VWA3A: variants seen among roughly 807,000 people sequenced by gnomAD.
VWA3A encodes the protein von Willebrand factor A domain containing 3A, also known as von Willebrand factor A domain-containing protein 3A.
VWA3A carries 134 observed loss-of-function variants against 160.4 expected under a neutral mutation model. The ratio of observed to expected loss-of-function variants is 0.84; its 90% CI spans 0.73 to 0.96. VWA3A has a LOEUF of 0.96. Among genes scored for constraint, VWA3A ranks in the 40% least tolerant of loss-of-function variants. VWA3A has a pLI of 0.00. For synonymous variants in VWA3A, 476 were observed against 543.4 expected, an observed-to-expected ratio of 0.88 and a Z score of 1.72; for missense variants, 1,310 against 1,447.9, an observed-to-expected ratio of 0.90 and a Z score of 1.55.
chr16:22,155,969 T>C (rs905686599), intron 33 of VWA3A, 53 bp downstream of exon 33: 141 of 1,563,210 alleles, frequency 9.0e-5, no homozygotes, highest in Non-Finnish European at 1.2e-4. Context: ...AAGCACCAAG[T>C]GGCATGCTCT....
intron 31 of VWA3A, among the ~76,000 whole-genome samples, chr16:22,153,066 C>G (rs919545309): frequency 2.6e-5 from 4 of 152,140 alleles, no homozygotes; most frequent in Admixed American, 2.6e-4. Context: ...ACACCTAAAG[C>G]TGGGCACGGT....
chr16:22,146,089 T>A, intron 26 of VWA3A, 147 bp from the exon 27 acceptor site: 1 of 614,800 alleles, frequency 1.6e-6, no homozygotes. Context: ...CCCAAAGCGC[T>A]GGGATTACAG....
intron 9 of VWA3A, among the ~76,000 whole-genome samples, chr16:22,115,920 A>G (rs1428796953): frequency 6.3e-5 from 2 of 31,578 alleles, no homozygotes; most frequent in African/African-American, 9.3e-4. Context: ...GAAGGAAGGA[A>G]GGAAAGGAAA....
Position 22,132,956 on chromosome 16 carries a change from C to T in VWA3A, c.1929C>T (p.Asn643=), listed in dbSNP as rs375871767. 3.0e-5 allele frequency: 48 copies of T among 1,613,832 alleles called. No homozygotes were observed. Among genetic ancestry groups the T allele is most frequent in the Admixed American group, 5.0e-5 (3 of 59,998 alleles). ...GTGGCGGCTGCGACCTCCAGCTGAACGTGTGTCTCTTCTACGTGGGCGAGC... is the reference window on the plus strand; with the variant it reads ...GTGGCGGCTGCGACCTCCAGCTGAATGTGTGTCTCTTCTACGTGGGCGAGC... ...EACGGCDLQL[N]VCLFYVGEPK... Residue 643 remains asparagine, a synonymous_variant, in exon 20 of 34, where the codon AAC becomes AAT. Transcript: ENST00000389398.
At chr16:22,113,465 T>C (rs1416559389) in intron 8 of VWA3A, among the ~76,000 whole-genome samples, 4 of 145,830 alleles carry the variant, frequency 2.7e-5, no homozygotes, top group Non-Finnish European at 6.0e-5. Context: ...CCTCAAGTGA[T>C]CCGCCCTCCT....
At chr16:22,105,785 A>G (rs1359277039) in intron 6 of VWA3A, among the ~76,000 whole-genome samples, 3 of 152,220 alleles carry the variant, frequency 2.0e-5, no homozygotes, top group African/African-American at 7.2e-5. Context: ...TAAAGCCCTC[A>G]TGGCAGCTTG....
chr16:22,101,076 A>G (rs1598045370), intron 5 of VWA3A, among the ~76,000 whole-genome samples: 1 of 151,886 alleles, frequency 6.6e-6, no homozygotes, highest in African/African-American at 2.4e-5. Flanking sequence ...GGACCAGATC[A>G]GTGTCTCTCA....
At chr16:22,131,131 T>G (rs575751598) in intron 17 of VWA3A, 74 bp from the exon 18 acceptor site, 1 of 1,430,250 alleles carries the variant, frequency 7.0e-7, no homozygotes, top group South Asian at 1.2e-5. Context: ...ACTAAAAGCC[T>G]GCAAAGCCCA....
chr16:22,155,784 C>T, intron 32 of VWA3A, 67 bp from the exon 33 acceptor site: 2 of 1,611,016 alleles, frequency 1.2e-6, no homozygotes, highest in South Asian at 1.1e-5. Context: ...TCCTGCCCTG[C>T]TTCTCCCAGC....
chr16:22,109,547 C>T lies in VWA3A; in HGVS notation c.549C>T (p.Gly183=), dbSNP rs1325065621. The change falls in exon 7 of 34, where the codon GGC becomes GGT. Residue 183 remains glycine (G), a synonymous_variant. Transcript: ENST00000389398. The part of the protein sequence containing the change: ...ILIDVSAISS[G]PQKEEFQKDL... ...TAGATGTGTCAGCCATCAGCAGTGG[C>T]CCTCAGAAAGAAGAGTTCCAAAAGG... 3 of 1,613,590 alleles carry T rather than the reference C, an allele frequency of 1.9e-6. No individual in the cohort carries two copies. The highest frequency in any genetic ancestry group is 2.2e-5 in the East Asian group (1 of 44,874).
Position 22,136,227 on chromosome 16 carries a change from A to C in VWA3A, c.2139+1789A>C, listed in dbSNP as rs549920364. Among the ~76,000 whole-genome samples the C allele has an allele frequency of 2.6e-5, 4 of 152,312 alleles. No individual in the cohort carries two copies. In the South Asian group the frequency reaches 8.3e-4, roughly 32 times the overall value. ...CTAAGGAAGAATTCCCCGGACTTGC[A>C]AGTGATTGAACGGGCAGTGTGAAAG... On this transcript the variant is annotated intron_variant, in intron 21 of 33. Coordinates refer to ENST00000389398, the MANE Select transcript of VWA3A (RefSeq NM_173615.5).
intron 30 of VWA3A, 24 bp from the exon 31 acceptor site, chr16:22,152,487 C>T (rs1458854662): frequency 1.2e-6 from 2 of 1,611,070 alleles, no homozygotes; most frequent in Non-Finnish European, 1.7e-6. Flanking sequence ...GCCTTCCCAC[C>T]AGCCCTCTGT....
At chr16:22,143,876 G>A (rs2046199217) in intron 25 of VWA3A, among the ~76,000 whole-genome samples, 1 of 151,764 alleles carries the variant, frequency 6.6e-6, no homozygotes, top group South Asian at 2.1e-4. Flanking sequence ...AAGTAGCTGG[G>A]ATTACAGGCA....
chr16:22,132,637 T>C, intron 19 of VWA3A: 1 of 493,102 alleles, frequency 2.0e-6, no homozygotes, highest in Middle Eastern at 5.3e-4. Context: ...TCTGCATTTC[T>C]GGCAGGCTTC....
intron 8 of VWA3A, 82 bp downstream of exon 8, chr16:22,111,076 A>T: frequency 8.2e-7 from 1 of 1,224,874 alleles, no homozygotes; most frequent in East Asian, 2.6e-5. Flanking sequence ...GAATAATTCA[A>T]CTGCAAACCC....
At chr16:22,110,793 A>G (rs752842805) in intron 7 of VWA3A, 95 bp from the exon 8 acceptor site, 90 of 1,196,498 alleles carry the variant, frequency 7.5e-5, no homozygotes, top group Non-Finnish European at 1.0e-4. Flanking sequence ...TACAGCTCAC[A>G]CCCAGCCCAG....
intron 25 of VWA3A, among the ~76,000 whole-genome samples, chr16:22,143,466 G>A (rs1378663232): frequency 6.6e-6 from 1 of 152,184 alleles, no homozygotes; most frequent in African/African-American, 2.4e-5. Flanking sequence ...GATGGCAGAT[G>A]CCATCCCTGG....
chr16:22,108,768 T>A (rs2045514346), intron 6 of VWA3A, among the ~76,000 whole-genome samples: 1 of 152,200 alleles, frequency 6.6e-6, no homozygotes, highest in Non-Finnish European at 1.5e-5. Flanking sequence ...AACATTTATG[T>A]GCAGAGTCAA....
intron 1 of VWA3A, among the ~76,000 whole-genome samples, chr16:22,093,691 T>G (rs543051710): frequency 1.4e-4 from 22 of 152,312 alleles, no homozygotes; most frequent in African/African-American, 4.1e-4. Context: ...GATAACAGCA[T>G]TGAAGTAGGC....
Sources: gnomAD v4.1 joint callset for allele counts (sites outside exome capture counted in the v4.1 genomes callset) on GRCh38, gnomAD v4.1.1 for gene constraint, MANE v1.5 for transcripts, NCBI Gene and HGNC (gene_info 2026-07-23, HGNC 2026-07-21) for gene names.